POPDC3: variants seen among roughly 807,000 people sequenced by gnomAD.
POPDC3 encodes popeye domain-containing protein 3.
A neutral mutation model predicts 28.2 loss-of-function variants in POPDC3; 20 were observed. The ratio of observed to expected loss-of-function variants is 0.71; its 90% CI spans 0.50 to 1.03. The LOEUF (loss-of-function observed/expected upper bound fraction) is 1.03. Ranked by LOEUF, POPDC3 falls within the 50% of genes least tolerant of loss-of-function variation. The pLI is 0.00. For missense variants in POPDC3, 316 were observed against 345.9 expected, an observed-to-expected ratio of 0.91 and a Z score of 0.69; for synonymous variants, 118 against 124.1, an observed-to-expected ratio of 0.95 and a Z score of 0.33.
chr6:105,174,078 G>A (rs559353401), intron 1 of POPDC3, among the ~76,000 whole-genome samples: 1 of 152,316 alleles, frequency 6.6e-6, no homozygotes, highest in South Asian at 2.1e-4. Flanking sequence ...TTTTGCTCTT[G>A]TTGCCCAGGC....
In POPDC3 at chr6:105,158,278, A is replaced by G; in HGVS notation, c.*192T>C. 1 of 538,074 alleles carries G rather than the reference A, an allele frequency of 1.9e-6. No homozygotes were observed. The highest frequency in any genetic ancestry group is 3.2e-6 in the Non-Finnish European group (1 of 312,602). The allele number at this position is 538,074 out of a possible 1,614,324, so 33.3% of individuals were successfully genotyped here. A position where few individuals can be genotyped will look rare whatever the true frequency, so the allele number is the denominator to read the frequency against. ...CCCCTCCCCAATTATAACAATGAGA[A>G]ATACAAGAAAAATTTGTAAAGTTTA... On this transcript the variant is annotated 3_prime_UTR_variant, in exon 4 of 4. Transcript: ENST00000254765.
intron 3 of POPDC3, among the ~76,000 whole-genome samples, chr6:105,159,349 T>C (rs1349061348): frequency 6.6e-6 from 1 of 152,226 alleles, no homozygotes; most frequent in Non-Finnish European, 1.5e-5. Flanking sequence ...AAATCATTTA[T>C]TTTTTAGTAA....
chr6:105,172,257 T>C (rs1484841936), intron 1 of POPDC3, among the ~76,000 whole-genome samples: 3 of 151,232 alleles, frequency 2.0e-5, no homozygotes, highest in African/African-American at 7.3e-5. Flanking sequence ...AGAAGACATT[T>C]ATGCAGCCAA....
chr6:105,166,679 C>T (rs1316078442), intron 1 of POPDC3: 1 of 470,946 alleles, frequency 2.1e-6, no homozygotes, highest in Non-Finnish European at 4.4e-6. Flanking sequence ...CCTTCCCTGA[C>T]CATGGTGGCC....
intron 1 of POPDC3, among the ~76,000 whole-genome samples, chr6:105,175,773 C>T (rs1254808718): frequency 1.3e-5 from 2 of 152,022 alleles, no homozygotes; most frequent in African/African-American, 2.4e-5. Flanking sequence ...ATCCAGGAGG[C>T]GGAGGTTGCA....
rs1005696998 is a variant in POPDC3 at position 105,161,867 on chromosome 6, G to A, written c.43C>T (p.His15Tyr). 13 of 1,611,832 alleles carry A rather than the reference G, an allele frequency of 8.1e-6. No homozygotes were observed. The highest frequency in any genetic ancestry group is 1.7e-4 in the Middle Eastern group (1 of 6,038). Reference protein sequence around the residue: ...SSLWKNLIDEHPVCTTWKQEA... With the variant: ...SSLWKNLIDEYPVCTTWKQEA... ...TGCTTCCAGGTTGTGCAGACTGGGT[G>A]TTCATCTATTAGGTTCTTCCATAAA... Residue 15 changes from histidine (H) to tyrosine (Y), a missense_variant, in exon 2 of 4, where the codon CAC becomes TAC. Coordinates refer to ENST00000254765, the MANE Select transcript of POPDC3 (RefSeq NM_022361.5).
At position 105,161,722 on chromosome 6, in the gene POPDC3, CAG is replaced by C. The variant is rs1416076145; in HGVS notation, c.186_187del (p.Cys63PhefsTer13). 6.2e-7 allele frequency: 1 copy of C among 1,614,160 alleles called. No homozygotes were observed. Among genetic ancestry groups the C allele is most frequent in the Non-Finnish European group, 8.5e-7 (1 of 1,180,028 alleles). On this transcript the variant is annotated frameshift_variant, in exon 2 of 4. Transcript: ENST00000254765. LOFTEE classifies it high-confidence loss of function. Reference sequence around the variant, plus strand: ...ATCTACCCAAGCCCAGACAGCAGAACAGAGAAAACCCAACCCCAGCAAACTGA... The same window carrying C: ...ATCTACCCAAGCCCAGACAGCAGAACAGAAAACCCAACCCCAGCAAACTGA...
rs900097820 is a variant in POPDC3 at position 105,179,916 on chromosome 6, C to G, written c.-335G>C. On this transcript the variant is annotated 5_prime_UTR_variant, in exon 1 of 4. Coordinates refer to ENST00000254765, the MANE Select transcript of POPDC3 (RefSeq NM_022361.5). The stretch of plus-strand genomic sequence containing the variant: ...GAGCGCGCTTGACCCGGGTGGCCCG[C>G]GCGGAAGCCCTCAGCGTCCCCCTCG... 6.6e-6 allele frequency: 1 copy of G among 151,362 alleles called. No homozygotes were observed. The highest frequency in any genetic ancestry group is 2.4e-5 in the African/African-American group (1 of 41,300). 9.4% of individuals were successfully genotyped at this position (151,362 alleles called of 1,614,324 possible). A position where few individuals can be genotyped will look rare whatever the true frequency, so the allele number is the denominator to read the frequency against.
chr6:105,173,829 A>C (rs1774629443), intron 1 of POPDC3, among the ~76,000 whole-genome samples: 2 of 145,186 alleles, frequency 1.4e-5, no homozygotes, highest in Non-Finnish European at 3.0e-5. Flanking sequence ...GAATTACAAA[A>C]TTGGAAAGAA....
At chr6:105,176,748 G>A (rs1041503478) in intron 1 of POPDC3, among the ~76,000 whole-genome samples, 1 of 151,890 alleles carries the variant, frequency 6.6e-6, no homozygotes, top group Non-Finnish European at 1.5e-5. Flanking sequence ...GTAGAGACAC[G>A]GGGTTTCACC....
In POPDC3 at chr6:105,162,007, G is replaced by A; in HGVS notation, c.-98C>T. 6.6e-7 allele frequency: 1 copy of A among 1,510,784 alleles called. No homozygotes were observed. Among genetic ancestry groups the A allele is most frequent in the Non-Finnish European group, 8.8e-7 (1 of 1,136,490 alleles). The allele number at this position is 1,510,784 out of a possible 1,614,324, so 93.6% of individuals were successfully genotyped here. On this transcript the variant is annotated 5_prime_UTR_variant, in exon 2 of 4. Transcript: ENST00000254765. ...TTCTCCATCATGAGAGTTTTGTGCAGTCTTCACAAAACCAGAGAAAACGGA... is the reference window on the plus strand; with the variant it reads ...TTCTCCATCATGAGAGTTTTGTGCAATCTTCACAAAACCAGAGAAAACGGA...
At chr6:105,179,252 T>C in intron 1 of POPDC3, 8 of 985,382 alleles carry the variant, frequency 8.1e-6, no homozygotes, top group Non-Finnish European at 9.6e-6. Flanking sequence ...CCGCGCGACC[T>C]TTGATGAGGC....
chr6:105,179,838 C>T lies in POPDC3; in HGVS notation c.-257G>A, dbSNP rs771523846. 4 of 152,128 alleles carry T rather than the reference C, an allele frequency of 2.6e-5. No individual in the cohort carries two copies. The highest frequency in any genetic ancestry group is 6.5e-5 in the Admixed American group (1 of 15,274). The allele number at this position is 152,128 out of a possible 1,614,324, so 9.4% of individuals were successfully genotyped here. A position where few individuals can be genotyped will look rare whatever the true frequency, so the allele number is the denominator to read the frequency against. On this transcript the variant is annotated 5_prime_UTR_variant, in exon 1 of 4. Transcript: ENST00000254765. ...CCCCGGGCTCACCTTCTTACCTTTC[C>T]TTCCCAGCCCTGCCCGGAGCTTCAG...
At chr6:105,166,801 A>G in intron 1 of POPDC3, 1 of 331,950 alleles carries the variant, frequency 3.0e-6, no homozygotes, top group Non-Finnish European at 6.2e-6. Context: ...TTTTTAAAGC[A>G]TCACAATTTT....
chr6:105,179,218 GATC>G (rs1353496984), intron 1 of POPDC3: 1 of 985,276 alleles, frequency 1.0e-6, no homozygotes, highest in African/African-American at 1.7e-5. Context: ...TTGGCAGGGG[GATC>G]CCCAAATGGA....
chr6:105,162,064 G>A lies in POPDC3; in HGVS notation c.-155C>T. ...AGTTGATGCTGATTAAAGGCTTCGT[G>A]TGTACGGATCTTGAAAAACTAAGAA... On this transcript the variant is annotated 5_prime_UTR_variant, in exon 2 of 4. Coordinates refer to ENST00000254765, the MANE Select transcript of POPDC3 (RefSeq NM_022361.5). The A allele has an allele frequency of 1.4e-6, 2 of 1,440,554 alleles. No homozygotes were observed. Among genetic ancestry groups the A allele is most frequent in the Non-Finnish European group, 1.8e-6 (2 of 1,104,584 alleles). The allele number at this position is 1,440,554 out of a possible 1,614,324, so 89.2% of individuals were successfully genotyped here.
At chr6:105,179,801 C>T in intron 1 of POPDC3, 32 bp downstream of exon 1, 1 of 152,284 alleles carries the variant, frequency 6.6e-6, no homozygotes, top group Non-Finnish European at 1.5e-5. Flanking sequence ...CGGAAGGCGG[C>T]GGACGCAGCG....
At position 105,158,637 on chromosome 6, in the gene POPDC3, T is replaced by C. The variant is rs747606562; in HGVS notation, c.709A>G (p.Ser237Gly). 1 of 1,614,214 alleles carries C rather than the reference T, an allele frequency of 6.2e-7. No individual in the cohort carries two copies. The highest frequency in any genetic ancestry group is 8.5e-7 in the Non-Finnish European group (1 of 1,180,028). ...GCATAGAGTTTATCTGCAATGTCAC[T>C]GCCAATTAGCACTGAAAAAAGGCGG... ...ISRLFSVLIG[S>G]DIADKLYALN... The change falls in exon 4 of 4, where the codon AGT becomes GGT. Residue 237 changes from serine to glycine, a missense_variant. By Grantham distance (56) the Ser-to-Gly change is moderately conservative (BLOSUM62 0). Transcript: ENST00000254765.
chr6:105,162,390 G>C (rs140458164), intron 1 of POPDC3, among the ~76,000 whole-genome samples: 1 of 152,050 alleles, frequency 6.6e-6, no homozygotes, highest in African/African-American at 2.4e-5. Context: ...TATTAATCTC[G>C]TCTCTATGGG....
Sources: allele counts gnomAD v4.1 joint callset (sites outside exome capture counted in the v4.1 genomes callset), GRCh38; gene constraint gnomAD v4.1.1; transcripts MANE v1.5; gene names NCBI Gene and HGNC (gene_info 2026-07-23, HGNC 2026-07-21).